SLC15A5: variants seen among roughly 807,000 people sequenced by gnomAD.
SLC15A5 encodes Peptide/histidine transporter ENSP00000340402.
SLC15A5 carries 58 observed loss-of-function variants against 56.1 expected under a neutral mutation model. That is an observed-to-expected ratio of 1.03 (90% CI 0.84 to 1.29). The LOEUF is 1.29. Among genes scored for constraint, SLC15A5 ranks in the 50% most tolerant of loss-of-function variants. The probability of loss-of-function intolerance (pLI) is 0.00; values close to 1 mark genes in which losing one functional copy is unlikely to be tolerated. For missense variants in SLC15A5, 681 were observed against 672.1 expected, an observed-to-expected ratio of 1.01 and a Z score of -0.15; for synonymous variants, 264 against 250.5, an observed-to-expected ratio of 1.05 and a Z score of -0.51.
rs59876940 is a variant in SLC15A5, at chr12:16,230,757, C to CAA, written c.1163-6157_1163-6156dup. On this transcript the variant is annotated intron_variant, in intron 5 of 8. Coordinates refer to ENST00000344941, the MANE Select transcript of SLC15A5 (RefSeq NM_001170798.1). ...TGAAACCCCATCTCTACTAAAAATA[C>CAA]AAAAAAAAAAAAAAAAATAGCCGGG... Among the ~76,000 whole-genome samples, 349 of 129,570 alleles carry CAA rather than the reference C, an allele frequency of 2.7e-3. 2 individuals carry two copies. The highest frequency in any genetic ancestry group is 6.2e-3 in the African/African-American group (207 of 33,362). 85.0% of individuals were successfully genotyped at this position (129,570 alleles called of 152,430 possible).
At chr12:16,270,830 C>T (rs1403483238) in intron 2 of SLC15A5, among the ~76,000 whole-genome samples, 2 of 152,200 alleles carry the variant, frequency 1.3e-5, no homozygotes, top group East Asian at 3.9e-4. Context: ...CTATAAACTG[C>T]AGTAAGGTAA....
chr12:16,198,315 G>T (rs1030119744), intron 7 of SLC15A5, among the ~76,000 whole-genome samples: 4 of 152,088 alleles, frequency 2.6e-5, no homozygotes, highest in Admixed American at 2.0e-4. Context: ...TAAATTAGTA[G>T]GGGACAGGCA....
rs771735554 is a variant in SLC15A5, at chr12:16,244,717, C to T, written c.838G>A (p.Val280Met). ...TTGGCATGGTCTAACTGGCTTGTCA[C>T]GTCTCTGCCAAGATGGCAGTATTGC... ...HPQYCHLGRDVTSQLDHAKEK... is the reference protein window; with the variant it reads ...HPQYCHLGRDMTSQLDHAKEK... Residue 280 changes from valine to methionine, a missense_variant, in exon 4 of 9, where the codon GTG becomes ATG. Val to Met is a conservative substitution (Grantham distance 21). Transcript: ENST00000344941. The T allele has an allele frequency of 2.5e-5, 39 of 1,537,456 alleles. No homozygotes were observed. Among genetic ancestry groups the T allele is most frequent in the African/African-American group, 1.9e-4 (14 of 73,036 alleles).
At chr12:16,223,883 ATT>A (rs760464487) in intron 6 of SLC15A5, among the ~76,000 whole-genome samples, 30 of 152,034 alleles carry the variant, frequency 2.0e-4, no homozygotes, top group Non-Finnish European at 7.4e-5. Context: ...CACCTGGCTA[ATT>A]TTTTGTATTT....
At chr12:16,277,246 A>C (rs1009384875) in intron 1 of SLC15A5, 79 bp downstream of exon 1, 3 of 1,333,338 alleles carry the variant, frequency 2.2e-6, no homozygotes, top group Non-Finnish European at 3.0e-6. Flanking sequence ...AGCAGAGTGA[A>C]AATAATATAA....
In SLC15A5 at chr12:16,276,611, GAGAC is replaced by G. The variant is rs2136831682; in HGVS notation, c.361+710_361+713del. ...AAATGTTGTTTTCATGATATTTTCA[GAGAC>G]TTCTTGTTGCTTAAGAAGAATAACT... On this transcript the variant is annotated intron_variant, in intron 1 of 8. Transcript: ENST00000344941. Among the ~76,000 whole-genome samples, 5 of 152,096 alleles carry G rather than the reference GAGAC, an allele frequency of 3.3e-5. No individual in the cohort carries two copies. The South Asian group carries it at 1.0e-3, about 32-fold the overall frequency.
At position 16,205,600 on chromosome 12, in the gene SLC15A5, C is replaced by CATAT. The variant is rs1565657647; in HGVS notation, c.1484-11148_1484-11147insATAT. 1.2e-3 allele frequency among the ~76,000 whole-genome samples: 113 copies of CATAT among 90,402 alleles called. 1 individual carries two copies. The highest frequency in any genetic ancestry group is 4.3e-3 in the African/African-American group (109 of 25,498). 59.3% of individuals were successfully genotyped at this position (90,402 alleles called of 152,430 possible). ...AGGTGCATATATATATACATATACA[C>CATAT]ACACACACACATATATATACACATA... On this transcript the variant is annotated intron_variant, in intron 7 of 8. Transcript: ENST00000344941.
intron 5 of SLC15A5, among the ~76,000 whole-genome samples, chr12:16,233,827 T>A (rs909920346): frequency 2.0e-5 from 3 of 152,162 alleles, no homozygotes; most frequent in Non-Finnish European, 4.4e-5. Flanking sequence ...AGAATCTGCA[T>A]TTAAACTAGG....
chr12:16,230,112 T>G (rs1239827777), intron 5 of SLC15A5, among the ~76,000 whole-genome samples: 1 of 152,106 alleles, frequency 6.6e-6, no homozygotes, highest in Non-Finnish European at 1.5e-5. Flanking sequence ...GGGCCCAAGT[T>G]TAATCCCAGC....
chr12:16,219,879 A>G lies in SLC15A5; in HGVS notation c.1352-2855T>C, dbSNP rs902008491. The stretch of plus-strand genomic sequence containing the variant: ...ACACAATAAAAAATATTCAGTGTGT[A>G]CGTGAAAGCTGGTCTTCTTGCCAAT... On this transcript the variant is annotated intron_variant, in intron 6 of 8. Coordinates refer to ENST00000344941, the MANE Select transcript of SLC15A5 (RefSeq NM_001170798.1). Among the ~76,000 whole-genome samples the G allele has an allele frequency of 9.9e-5, 15 of 152,272 alleles. No individual in the cohort carries two copies. The South Asian group carries it at 3.1e-3, about 32-fold the overall frequency.
intron 7 of SLC15A5, among the ~76,000 whole-genome samples, chr12:16,207,660 T>C (rs551565778): frequency 1.3e-5 from 2 of 152,170 alleles, no homozygotes; most frequent in African/African-American, 4.8e-5. Context: ...TTCTTTTTTT[T>C]TTTGAGACGG....
intron 8 of SLC15A5, among the ~76,000 whole-genome samples, chr12:16,192,307 T>C (rs576352893): frequency 6.6e-6 from 1 of 152,110 alleles, no homozygotes; most frequent in Non-Finnish European, 1.5e-5. Flanking sequence ...TAAGAAAGTA[T>C]GCAGGAGAAG....
intron 3 of SLC15A5, among the ~76,000 whole-genome samples, chr12:16,247,368 G>A (rs1864472598): frequency 6.6e-6 from 1 of 152,164 alleles, no homozygotes; most frequent in Non-Finnish European, 1.5e-5. Context: ...TACAATCATT[G>A]ATTTATTCCA....
At chr12:16,222,324 C>A (rs1038165561) in intron 6 of SLC15A5, among the ~76,000 whole-genome samples, 1 of 150,980 alleles carries the variant, frequency 6.6e-6, no homozygotes, top group Non-Finnish European at 1.5e-5. Context: ...ACCATAGAGC[C>A]TAACCTCTGT....
intron 2 of SLC15A5, among the ~76,000 whole-genome samples, chr12:16,263,710 G>T (rs1864665137): frequency 6.6e-6 from 1 of 152,096 alleles, no homozygotes; most frequent in Admixed American, 6.5e-5. Context: ...GTAGTCTAGG[G>T]ACTTGGTGCC....
At chr12:16,231,269 T>C (rs981473350) in intron 5 of SLC15A5, among the ~76,000 whole-genome samples, 1 of 152,190 alleles carries the variant, frequency 6.6e-6, no homozygotes, top group African/African-American at 2.4e-5. Flanking sequence ...AGGTGGCTGA[T>C]TGACCACACA....
chr12:16,257,326 AG>A (rs1274572384), intron 3 of SLC15A5, among the ~76,000 whole-genome samples: 2 of 152,174 alleles, frequency 1.3e-5, no homozygotes, highest in African/African-American at 4.8e-5. Context: ...AGTGAAGATG[AG>A]TTGATAATTG....
chr12:16,223,082 A>C (rs1274396570), intron 6 of SLC15A5, among the ~76,000 whole-genome samples: 2 of 152,128 alleles, frequency 1.3e-5, no homozygotes, highest in East Asian at 3.8e-4. Flanking sequence ...ACTTAATTTT[A>C]TTTTCATTAT....
chr12:16,240,480 C>A lies in SLC15A5; in HGVS notation c.976-613G>T, dbSNP rs933493566. ...AAAAAAAACCTTGTGTCTTTGCCCT[C>A]CCTTCAAACTAATTACGTGATGCTA... On this transcript the variant is annotated intron_variant, in intron 4 of 8. Coordinates refer to ENST00000344941, the MANE Select transcript of SLC15A5 (RefSeq NM_001170798.1). Among the ~76,000 whole-genome samples, 7 of 151,982 alleles carry A rather than the reference C, an allele frequency of 4.6e-5. No individual in the cohort carries two copies. The South Asian group carries it at 6.2e-4, about 14-fold the overall frequency.
Sources: allele counts gnomAD v4.1 joint callset (sites outside exome capture counted in the v4.1 genomes callset), GRCh38; gene constraint gnomAD v4.1.1; transcripts MANE v1.5; gene names NCBI Gene and HGNC (gene_info 2026-07-23, HGNC 2026-07-21).